The following SPTLC1 variants were observed in gnomAD, a reference collection of about 807,000 sequenced individuals.
The protein encoded by SPTLC1 is serine palmitoyltransferase 1.
In SPTLC1, 55 loss-of-function variants were observed where a neutral mutation model predicts 68.9. The observed-to-expected ratio is 0.80, with a 90% CI of 0.64 to 1.00. The LOEUF (loss-of-function observed/expected upper bound fraction) is 1.00. Among genes scored for constraint, SPTLC1 ranks in the 50% least tolerant of loss-of-function variants. The pLI is 0.00. For synonymous variants in SPTLC1, 197 were observed against 201.6 expected (o/e 0.98, Z 0.19); for missense variants, 449 against 573.1 (o/e 0.78, Z 2.21).
At chr9:92,105,288 T>C (rs901387829) in intron 3 of SPTLC1, 44 of 1,534,140 alleles carry the variant, frequency 2.9e-5, no homozygotes, top group Non-Finnish European at 3.4e-5. Context: ...CCTGAGGCAC[T>C]GTTGGTGGGT....
chr9:92,098,551 G>A (rs1005917925), intron 3 of SPTLC1, among the ~76,000 whole-genome samples: 21 of 151,788 alleles, frequency 1.4e-4, no homozygotes, highest in Non-Finnish European at 2.6e-4. Context: ...TGTTCTTGAT[G>A]ACAATAAAAA....
chr9:92,064,803 A>G (rs1834223838), intron 6 of SPTLC1, among the ~76,000 whole-genome samples: 1 of 152,242 alleles, frequency 6.6e-6, no homozygotes, highest in Non-Finnish European at 1.5e-5. Context: ...TACAAGCAAC[A>G]ACTTGGATGA....
intron 3 of SPTLC1, among the ~76,000 whole-genome samples, chr9:92,101,851 G>A (rs1248878309): frequency 6.6e-6 from 1 of 151,730 alleles, no homozygotes; most frequent in African/African-American, 2.4e-5. Context: ...AGAGAAAAGA[G>A]ACAAAGACAC....
intron 12 of SPTLC1, 28 bp from the exon 13 acceptor site, chr9:92,038,393 G>T: frequency 2.1e-6 from 3 of 1,417,500 alleles, no homozygotes; most frequent in Non-Finnish European, 3.0e-6. Context: ...ACACACAGCT[G>T]TAAGTCCCTT....
intron 7 of SPTLC1, among the ~76,000 whole-genome samples, chr9:92,057,663 G>A (rs958407547): frequency 3.3e-5 from 5 of 152,042 alleles, no homozygotes; most frequent in Admixed American, 1.3e-4. Context: ...TGTAGGAAAG[G>A]GGATAAAAAA....
intron 3 of SPTLC1, among the ~76,000 whole-genome samples, chr9:92,102,982 C>T (rs186327385): frequency 1.3e-5 from 2 of 152,208 alleles, no homozygotes; most frequent in East Asian, 1.9e-4. Context: ...AATAGTTGAC[C>T]GAGCTGGCAT....
intron 9 of SPTLC1, among the ~76,000 whole-genome samples, chr9:92,049,281 G>C (rs1386983068): frequency 1.3e-5 from 2 of 152,182 alleles, no homozygotes; most frequent in African/African-American, 2.4e-5. Context: ...TGGAGAAAAA[G>C]CTTTCTGTAA....
At position 92,104,929 on chromosome 9, in the gene SPTLC1, C is replaced by A; in HGVS notation, c.260+3811G>T. 2.0e-6 allele frequency: 3 copies of A among 1,534,494 alleles called. No individual in the cohort carries two copies. In the African/African-American group the frequency reaches 4.1e-5, roughly 21 times the overall value. ...AGGGCCATGGAGTCGCCAGTTCACA[C>A]AGCCCTGTTGGAGGCATCCTTCCCT... On this transcript the variant is annotated intron_variant, in intron 3 of 14. Coordinates refer to ENST00000262554, the MANE Select transcript of SPTLC1 (RefSeq NM_006415.4).
At position 92,081,820 on chromosome 9, in the gene SPTLC1, T is replaced by A. The variant is rs183587515; in HGVS notation, c.261-857A>T. ...TGTACTGGTCCATGTACTGGGTTGC[T>A]CTATAAAATGCACTGTAGCCAGAAA... On this transcript the variant is annotated intron_variant, in intron 3 of 14. Transcript: ENST00000262554. Among the ~76,000 whole-genome samples the A allele has an allele frequency of 1.4e-3, 209 of 152,296 alleles. 1 individual carries two copies. The highest frequency in any genetic ancestry group is 3.8e-3 in the African/African-American group (159 of 41,552).
chr9:92,050,631 G>A (rs1442772501), intron 8 of SPTLC1: 1 of 157,686 alleles, frequency 6.3e-6, no homozygotes, highest in Non-Finnish European at 1.4e-5. Flanking sequence ...TGATGAAAAT[G>A]TTGTAACCAG....
chr9:92,098,328 C>T (rs1389334641), intron 3 of SPTLC1, among the ~76,000 whole-genome samples: 1 of 152,060 alleles, frequency 6.6e-6, no homozygotes, highest in African/African-American at 2.4e-5. Flanking sequence ...CCTCACCCAG[C>T]ATCCATAAAA....
intron 12 of SPTLC1, among the ~76,000 whole-genome samples, chr9:92,038,671 G>A (rs1489581771): frequency 2.0e-5 from 3 of 152,234 alleles, no homozygotes; most frequent in African/African-American, 7.2e-5. Context: ...ACCTTGGCCT[G>A]TCATTCCCTT....
chr9:92,061,319 C>T (rs1834092794), intron 6 of SPTLC1, among the ~76,000 whole-genome samples: 1 of 152,078 alleles, frequency 6.6e-6, no homozygotes, highest in African/African-American at 2.4e-5. Flanking sequence ...TCATCAGAAA[C>T]CAGACACCAG....
chr9:92,115,147 T>A, intron 1 of SPTLC1, 167 bp downstream of exon 1: 16 of 278,556 alleles, frequency 5.7e-5, no homozygotes, highest in Non-Finnish European at 7.9e-5. Context: ...CTCCCTACAC[T>A]CAACCGCTGG....
chr9:92,102,208 T>G (rs910639588), intron 3 of SPTLC1, among the ~76,000 whole-genome samples: 3 of 152,058 alleles, frequency 2.0e-5, no homozygotes, highest in Admixed American at 1.3e-4. Context: ...ATTAAAGAAA[T>G]AAAGTCTTTC....
chr9:92,050,352 G>C (rs943994890), intron 8 of SPTLC1: 3 of 373,102 alleles, frequency 8.0e-6, no homozygotes, highest in African/African-American at 6.2e-5. Flanking sequence ...CTCTGATCCT[G>C]TGAACAACTA....
intron 12 of SPTLC1, among the ~76,000 whole-genome samples, chr9:92,044,038 C>T (rs904203902): frequency 3.3e-5 from 5 of 152,140 alleles, no homozygotes; most frequent in Admixed American, 6.5e-5. Flanking sequence ...CCCCTGCGAC[C>T]CTTATGAATG....
At chr9:92,080,185 T>C in intron 4 of SPTLC1, 97 bp from the exon 5 acceptor site, 1 of 906,256 alleles carries the variant, frequency 1.1e-6, no homozygotes. Context: ...CCTTCCTTCC[T>C]CCTCCAACTC....
At chr9:92,049,371 A>G (rs1833628882) in intron 9 of SPTLC1, among the ~76,000 whole-genome samples, 1 of 152,096 alleles carries the variant, frequency 6.6e-6, no homozygotes, top group Non-Finnish European at 1.5e-5. Context: ...AGCAAAACCC[A>G]CTAGGCACTG....
Sources: gnomAD v4.1 joint callset for allele counts (sites outside exome capture counted in the v4.1 genomes callset) on GRCh38, gnomAD v4.1.1 for gene constraint, MANE v1.5 for transcripts, NCBI Gene and HGNC (gene_info 2026-07-23, HGNC 2026-07-21) for gene names.